ATAD1: variants seen among roughly 807,000 people sequenced by gnomAD.
The protein encoded by ATAD1 is outer mitochondrial transmembrane helix translocase.
ATAD1 carries 18 observed loss-of-function variants against 42.7 expected under a neutral mutation model. That is an observed-to-expected ratio of 0.42 (90% CI 0.29 to 0.63). ATAD1 has a LOEUF of 0.63. Among genes scored for constraint, ATAD1 ranks in the 20% least tolerant of loss-of-function variants. ATAD1 has a pLI of 0.19. For missense variants in ATAD1, 294 were observed against 440.4 expected (o/e 0.67, Z 2.98); for synonymous variants, 132 against 143.1 (o/e 0.92, Z 0.55).
At chr10:87,836,251 G>A (rs1244493865) in intron 1 of ATAD1, among the ~76,000 whole-genome samples, 1 of 151,980 alleles carries the variant, frequency 6.6e-6, no homozygotes, top group Non-Finnish European at 1.5e-5. Flanking sequence ...CTCAGCTTCC[G>A]AGTCGCTAAG....
At chr10:87,789,268 A>G (rs560096103) in intron 4 of ATAD1, among the ~76,000 whole-genome samples, 1 of 152,356 alleles carries the variant, frequency 6.6e-6, no homozygotes, top group Non-Finnish European at 1.5e-5. Flanking sequence ...AAACCCATAT[A>G]GTTTTGGCAA....
chr10:87,771,496 A>G (rs913966276), intron 6 of ATAD1, among the ~76,000 whole-genome samples: 7 of 152,166 alleles, frequency 4.6e-5, no homozygotes, highest in African/African-American at 1.7e-4. Flanking sequence ...ATTTCCCCTT[A>G]ATAAGTCTGA....
At chr10:87,763,388 G>T (rs1323621721) in intron 8 of ATAD1, among the ~76,000 whole-genome samples, 1 of 152,194 alleles carries the variant, frequency 6.6e-6, no homozygotes, top group Non-Finnish European at 1.5e-5. Context: ...GTCAAGAATG[G>T]TGGTTCATGC....
At chr10:87,779,782 A>G (rs537477241) in intron 5 of ATAD1, among the ~76,000 whole-genome samples, 3 of 152,366 alleles carry the variant, frequency 2.0e-5, no homozygotes, top group Admixed American at 1.3e-4. Flanking sequence ...AGATACCTAT[A>G]TATCTATTAC....
At chr10:87,794,272 T>C (rs1249980202) in intron 2 of ATAD1, among the ~76,000 whole-genome samples, 3 of 152,148 alleles carry the variant, frequency 2.0e-5, no homozygotes, top group South Asian at 2.1e-4. Context: ...ACAGGATACA[T>C]CTCCTGTTTA....
rs1308694785 is a variant in ATAD1, at chr10:87,817,710, C to T, written c.-14+457G>A. ...GAGGGCAGGTTATTATTAACATCAC[C>T]ATCTTTTGTGAAAGCGTGCCCGGCC... On this transcript the variant is annotated intron_variant, in intron 1 of 9. Transcript: ENST00000680024. 4 of 984,042 alleles carry T rather than the reference C, an allele frequency of 4.1e-6. No individual in the cohort carries two copies. The African/African-American group carries it at 7.0e-5, about 17-fold the overall frequency. The allele number at this position is 984,042 out of a possible 1,614,324, so 61.0% of individuals were successfully genotyped here.
chr10:87,828,148 G>T (rs2132105410), intron 1 of ATAD1, among the ~76,000 whole-genome samples: 1 of 151,786 alleles, frequency 6.6e-6, no homozygotes, highest in Admixed American at 6.6e-5. Context: ...ATTTTTTGCA[G>T]AGATGGGGTC....
chr10:87,767,537 AG>A, intron 8 of ATAD1, 135 bp downstream of exon 8: 1 of 795,666 alleles, frequency 1.3e-6, no homozygotes. Context: ...GCCATAGACC[AG>A]TACCAGTCTG....
At chr10:87,779,503 C>T (rs1468639700) in intron 5 of ATAD1, among the ~76,000 whole-genome samples, 1 of 152,076 alleles carries the variant, frequency 6.6e-6, no homozygotes, top group African/African-American at 2.4e-5. Flanking sequence ...TTGTTCCCAA[C>T]ACAAATAAAT....
Position 87,784,515 on chromosome 10 carries a change from G to A in ATAD1, c.538C>T (p.Leu180Phe), listed in dbSNP as rs1285758040. The A allele has an allele frequency of 6.2e-7, 1 of 1,613,568 alleles. No homozygotes were observed. The highest frequency in any genetic ancestry group is 1.3e-5 in the African/African-American group (1 of 74,912). Residue 180 changes from leucine to phenylalanine, a missense_variant, in exon 5 of 10, where the codon CTT becomes TTT. By Grantham distance (22) the Leu-to-Phe change is conservative (BLOSUM62 0). Coordinates refer to ENST00000680024, the MANE Select transcript of ATAD1 (RefSeq NM_001321967.2). ...SQKLAAAVFS[L>F]AIKLQPSIIF... is the part of the protein sequence containing the mutation. ...ATGGATGGTTGTAGCTTTATGGCAAGGGAGAAGACAGCAGCAGCCAATTTC... is the reference window on the plus strand; with the variant it reads ...ATGGATGGTTGTAGCTTTATGGCAAAGGAGAAGACAGCAGCAGCCAATTTC...
intron 1 of ATAD1, chr10:87,832,019 A>G (rs1238145982): frequency 2.0e-5 from 3 of 147,602 alleles, no homozygotes; most frequent in African/African-American, 7.5e-5. Context: ...TAGAACCTGT[A>G]TTCGTACTCA....
At chr10:87,787,558 G>A (rs1171752326) in intron 4 of ATAD1, among the ~76,000 whole-genome samples, 2 of 152,176 alleles carry the variant, frequency 1.3e-5, no homozygotes, top group African/African-American at 4.8e-5. Flanking sequence ...GGCTGCAGCA[G>A]TGGGCTATGG....
At chr10:87,830,583 CAT>C (rs1337827187) in intron 1 of ATAD1, among the ~76,000 whole-genome samples, 10 of 152,274 alleles carry the variant, frequency 6.6e-5, no homozygotes, top group Non-Finnish European at 1.5e-5. Flanking sequence ...GCAGTAAGGA[CAT>C]AGATTTATCT....
chr10:87,786,450 T>TTG (rs1376092577), intron 4 of ATAD1, among the ~76,000 whole-genome samples: 1 of 152,220 alleles, frequency 6.6e-6, no homozygotes, highest in Non-Finnish European at 1.5e-5. Context: ...TTTAGCAGGA[T>TTG]TAAGTTTTTC....
upstream of ATAD1, among the ~76,000 whole-genome samples, chr10:87,822,769 T>A (rs1328362750): frequency 6.6e-6 from 1 of 152,084 alleles, no homozygotes; most frequent in African/African-American, 2.4e-5. Flanking sequence ...ATTGTGCATT[T>A]TTAAATAACT....
chr10:87,793,193 T>C (rs1003958374), intron 2 of ATAD1, among the ~76,000 whole-genome samples: 2 of 152,222 alleles, frequency 1.3e-5, no homozygotes, highest in Non-Finnish European at 2.9e-5. Context: ...CTGAAACAGA[T>C]GTCCAACTTC....
At position 87,778,178 on chromosome 10, in the gene ATAD1, T is replaced by TAAA. The variant is rs377243162; in HGVS notation, c.584-1754_584-1752dup. 4.5e-3 allele frequency among the ~76,000 whole-genome samples: 400 copies of TAAA among 88,668 alleles called. 5 individuals carry two copies. The highest frequency in any genetic ancestry group is 0.015 in the South Asian group (41 of 2,724). The allele number at this position is 88,668 out of a possible 152,430, so 58.2% of individuals were successfully genotyped here. On this transcript the variant is annotated intron_variant, in intron 5 of 9. Transcript: ENST00000680024. ...ACATGACTAAGATATTAGAATAAAT[T>TAAA]AAAAAAAAAAAAAAAAAAAAAACTC...
At chr10:87,794,568 G>C (rs1034144381) in intron 2 of ATAD1, among the ~76,000 whole-genome samples, 10 of 152,160 alleles carry the variant, frequency 6.6e-5, no homozygotes, top group Admixed American at 3.3e-4. Flanking sequence ...TGGGGGTAGG[G>C]TGATACCAGC....
chr10:87,800,059 T>C lies in ATAD1; in HGVS notation c.163-7304A>G, dbSNP rs190179277. Reference sequence around the variant, plus strand: ...CCACAGAGTCCAAGCATGTCATGAATGGTCTAAGACACAATAAGAGGATTT... The same window carrying C: ...CCACAGAGTCCAAGCATGTCATGAACGGTCTAAGACACAATAAGAGGATTT... On this transcript the variant is annotated intron_variant, in intron 2 of 9. Transcript: ENST00000680024. 2.7e-3 allele frequency among the ~76,000 whole-genome samples: 415 copies of C among 151,318 alleles called. 1 individual carries two copies. The highest frequency in any genetic ancestry group is 9.4e-3 in the African/African-American group (390 of 41,352).
Sources: gnomAD v4.1 joint callset for allele counts (sites outside exome capture counted in the v4.1 genomes callset) on GRCh38, gnomAD v4.1.1 for gene constraint, MANE v1.5 for transcripts, NCBI Gene and HGNC (gene_info 2026-07-23, HGNC 2026-07-21) for gene names.